The following BPIFA3 variants were observed in gnomAD, a reference collection of about 807,000 sequenced individuals.
BPIFA3 encodes the protein BPI fold containing family A member 3.
Under a neutral mutation model 29.7 loss-of-function variants are expected in BPIFA3, and 32 were observed. That is an observed-to-expected ratio of 1.08 (90% CI 0.81 to 1.45). The LOEUF is 1.45. Among genes scored for constraint, BPIFA3 ranks in the 40% most tolerant of loss-of-function variants. The probability of loss-of-function intolerance (pLI) is 0.00; values close to 1 mark genes in which losing one functional copy is unlikely to be tolerated. For synonymous variants in BPIFA3, 112 were observed against 113.7 expected (o/e 0.98, Z 0.10); for missense variants, 323 against 311.3 (o/e 1.04, Z -0.28).
At chr20:33,227,080 G>A in intron 6 of BPIFA3, 87 bp downstream of exon 6, 5 of 1,193,542 alleles carry the variant, frequency 4.2e-6, no homozygotes, top group South Asian at 1.2e-5. Flanking sequence ...CCCCAGGGAG[G>A]CCTGCTAAGG....
rs375797592 is a variant in BPIFA3, at chr20:33,217,557, G to C, written c.21G>C (p.Arg7Ser). Residue 7 changes from arginine to serine, a missense_variant, in exon 1 of 7, where the codon AGG becomes AGC. Arg to Ser is a moderately radical substitution (Grantham distance 110). Transcript: ENST00000375454. Reference protein sequence around the residue: MMCPLWRLLIFLGLLAL... With the variant: MMCPLWSLLIFLGLLAL... ...ACCCTATGATGTGTCCACTCTGGAG[G>C]CTCCTCATCTTCCTCGGGTTGCTGG... The C allele has an allele frequency of 1.2e-6, 2 of 1,613,998 alleles. No homozygotes were observed. Among genetic ancestry groups the C allele is most frequent in the Non-Finnish European group, 1.7e-6 (2 of 1,180,018 alleles).
rs1406888926 is a variant in BPIFA3, at chr20:33,223,986, G to A, written c.278+25G>A. 6.8e-6 allele frequency: 11 copies of A among 1,611,186 alleles called. No individual in the cohort carries two copies. In the East Asian group the frequency reaches 2.2e-4, roughly 33 times the overall value. The stretch of plus-strand genomic sequence containing the variant: ...GGTGAGACCCTGAGTTCTATCCGTG[G>A]CCCTGGAACTCTTTATAGAGCTCTA... On this transcript the variant is annotated intron_variant, in intron 2 of 6. Coordinates refer to ENST00000375454, the MANE Select transcript of BPIFA3 (RefSeq NM_178466.5).
chr20:33,226,596 C>A, intron 5 of BPIFA3, 106 bp downstream of exon 5: 1 of 810,324 alleles, frequency 1.2e-6, no homozygotes, highest in Non-Finnish European at 2.0e-6. Context: ...GATTTTAGAG[C>A]TTGAAAAATC....
At position 33,224,371 on chromosome 20, in the gene BPIFA3, A is replaced by C; in HGVS notation, c.295A>C (p.Ile99Leu). 6.2e-7 allele frequency: 1 copy of C among 1,614,084 alleles called. No homozygotes were observed. Among genetic ancestry groups the C allele is most frequent in the Non-Finnish European group, 8.5e-7 (1 of 1,179,942 alleles). The change falls in exon 3 of 7, where the codon ATT (isoleucine) becomes CTT (leucine). Residue 99 changes from isoleucine (I) to leucine (L), a missense_variant. Coordinates refer to ENST00000375454, the MANE Select transcript of BPIFA3 (RefSeq NM_178466.5). ...CTTGTGCAGCATCAACATCACCAAC[A>C]TTCAGCTGGACTGTGGTGGGATCCA... ...QQESSINITN[I>L]QLDCGGIQIS...
At chr20:33,219,094 T>C (rs114114579) in intron 1 of BPIFA3, among the ~76,000 whole-genome samples, 2,138 of 152,150 alleles carry the variant, frequency 0.014, 53 homozygotes, top group African/African-American at 0.045. Context: ...TTAGTGGCGA[T>C]GGGGTTTCAT....
intron 5 of BPIFA3, among the ~76,000 whole-genome samples, chr20:33,226,691 C>CA (rs1159261181): frequency 7.9e-5 from 12 of 152,316 alleles, no homozygotes; most frequent in Middle Eastern, 3.4e-3. Flanking sequence ...TCAGTGTTCC[C>CA]ACCTGTAGCA....
chr20:33,218,248 T>C (rs1156377435), intron 1 of BPIFA3, among the ~76,000 whole-genome samples: 2 of 152,238 alleles, frequency 1.3e-5, no homozygotes, highest in African/African-American at 2.4e-5. Flanking sequence ...TGTTACAGCC[T>C]GTGGGAGAAT....
At chr20:33,225,382 C>A in intron 4 of BPIFA3, 135 bp downstream of exon 4, 6 of 1,287,682 alleles carry the variant, frequency 4.7e-6, no homozygotes, top group East Asian at 2.5e-5. Context: ...CTCCTCCTCC[C>A]ATGTTCCCAT....
At chr20:33,223,152 G>A (rs937512579) in intron 1 of BPIFA3, among the ~76,000 whole-genome samples, 1 of 152,140 alleles carries the variant, frequency 6.6e-6, no homozygotes, top group Non-Finnish European at 1.5e-5. Context: ...TGGAGGAGGG[G>A]GATGGGGTAT....
intron 2 of BPIFA3, 107 bp downstream of exon 2, chr20:33,224,068 A>C: frequency 7.3e-7 from 1 of 1,374,604 alleles, no homozygotes; most frequent in African/African-American, 1.5e-5. Context: ...TGAAGAGGGA[A>C]GGTAGGAAGA....
chr20:33,224,015 C>A, intron 2 of BPIFA3, 54 bp downstream of exon 2: 1 of 1,588,640 alleles, frequency 6.3e-7, no homozygotes. Flanking sequence ...AGCTCTAGAT[C>A]GAAGGGTAGA....
rs952140337 is a variant in BPIFA3 at position 33,217,681 on chromosome 20, C to T, written c.127+18C>T. ...GGCAAGAAGTAAGCTAAGCCCCGGG[C>T]TCTGCCTGCTGCCTACGGGGCTGGG... On this transcript the variant is annotated intron_variant, in intron 1 of 6. Transcript: ENST00000375454. 1.2e-6 allele frequency: 2 copies of T among 1,608,916 alleles called. No homozygotes were observed. The highest frequency in any genetic ancestry group is 2.7e-5 in the African/African-American group (2 of 74,638).
At position 33,217,569 on chromosome 20, in the gene BPIFA3, C is replaced by T; in HGVS notation, c.33C>T (p.Phe11=). Residue 11 remains phenylalanine (F), a synonymous_variant, in exon 1 of 7, where the codon TTC becomes TTT. Transcript: ENST00000375454. MMCPLWRLLI[F]LGLLALPLAP... is the part of the protein sequence containing the mutation. ...GTCCACTCTGGAGGCTCCTCATCTTCCTCGGGTTGCTGGCCTTGCCCTTGG... is the reference window on the plus strand; with the variant it reads ...GTCCACTCTGGAGGCTCCTCATCTTTCTCGGGTTGCTGGCCTTGCCCTTGG... 1.2e-6 allele frequency: 2 copies of T among 1,614,230 alleles called. No individual in the cohort carries two copies. Among genetic ancestry groups the T allele is most frequent in the Non-Finnish European group, 1.7e-6 (2 of 1,180,032 alleles).
chr20:33,225,091 T>G lies in BPIFA3; in HGVS notation c.387-7T>G, dbSNP rs926199855. 3.1e-6 allele frequency: 5 copies of G among 1,613,608 alleles called. No homozygotes were observed. In the Admixed American group the frequency reaches 8.3e-5, roughly 27 times the overall value. ...TGCCCTTCCTCCTCTTCCTCTCTCATCTGCAGGTCCTTCGATAACAACATC... is the reference window on the plus strand; with the variant it reads ...TGCCCTTCCTCCTCTTCCTCTCTCAGCTGCAGGTCCTTCGATAACAACATC... On this transcript the variant is annotated splice_region_variant and splice_polypyrimidine_tract_variant and intron_variant, in intron 3 of 6. Coordinates refer to ENST00000375454, the MANE Select transcript of BPIFA3 (RefSeq NM_178466.5).
intron 1 of BPIFA3, among the ~76,000 whole-genome samples, chr20:33,219,280 C>A (rs1345490845): frequency 6.6e-6 from 1 of 152,042 alleles, no homozygotes; most frequent in Non-Finnish European, 1.5e-5. Flanking sequence ...TTTTTTTAAT[C>A]CTCTTTGACT....
At chr20:33,225,074 C>G (rs769222408) in intron 3 of BPIFA3, 24 bp from the exon 4 acceptor site, 10 of 1,609,880 alleles carry the variant, frequency 6.2e-6, no homozygotes, top group Non-Finnish European at 4.2e-6. Flanking sequence ...CTTGCCCTTC[C>G]TCCTCTTCCT....
chr20:33,225,306 C>A, intron 4 of BPIFA3, 59 bp downstream of exon 4: 2 of 1,608,196 alleles, frequency 1.2e-6, no homozygotes, highest in African/African-American at 1.3e-5. Context: ...GCCCCAGCTG[C>A]AGGGTCACTT....
intron 1 of BPIFA3, among the ~76,000 whole-genome samples, chr20:33,220,744 A>G (rs984638943): frequency 6.6e-6 from 1 of 152,130 alleles, no homozygotes; most frequent in Non-Finnish European, 1.5e-5. Context: ...TGTTTTATTT[A>G]TTCTGTAGGT....
chr20:33,219,495 T>C (rs1212203944), intron 1 of BPIFA3, among the ~76,000 whole-genome samples: 1 of 152,222 alleles, frequency 6.6e-6, no homozygotes, highest in Non-Finnish European at 1.5e-5. Context: ...ACTTTGTTTT[T>C]TTCTAATAGC....
Sources: gnomAD v4.1 joint callset for allele counts (sites outside exome capture counted in the v4.1 genomes callset) on GRCh38, gnomAD v4.1.1 for gene constraint, MANE v1.5 for transcripts, NCBI Gene and HGNC (gene_info 2026-07-23, HGNC 2026-07-21) for gene names.